Variants in GPC3 observed in about 807,000 individuals in gnomAD.
The protein encoded by GPC3 is glypican 3.
A neutral mutation model predicts 34.4 loss-of-function variants in GPC3; 3 were observed. The ratio of observed to expected loss-of-function variants is 0.09; its 90% CI spans 0.04 to 0.23. GPC3 has a LOEUF of 0.23. Among genes scored for constraint, GPC3 ranks in the 10% least tolerant of loss-of-function variants. The probability of loss-of-function intolerance (pLI) is 1.00; values close to 1 mark genes in which losing one functional copy is unlikely to be tolerated. For synonymous variants in GPC3, 177 were observed against 174.0 expected (o/e 1.02, Z -0.13); for missense variants, 351 against 445.6 (o/e 0.79, Z 1.91).
intron 2 of GPC3, among the ~76,000 whole-genome samples, chrX:133,913,733 A>G (rs1040518775): frequency 9.0e-6 from 1 of 111,509 alleles, no homozygotes; most frequent in African/African-American, 3.3e-5. Flanking sequence ...CATGGCTTCA[A>G]GATAAAGCCA....
intron 2 of GPC3, among the ~76,000 whole-genome samples, chrX:133,841,992 G>A (rs1253788072): frequency 8.9e-6 from 1 of 112,357 alleles, no homozygotes; most frequent in Non-Finnish European, 1.9e-5. Flanking sequence ...ACAGCCTATT[G>A]TGGGACCTTG....
intron 3 of GPC3, among the ~76,000 whole-genome samples, chrX:133,733,923 T>C (rs2124465328): frequency 8.9e-6 from 1 of 111,916 alleles, no homozygotes; most frequent in African/African-American, 3.2e-5. Flanking sequence ...AAAAAAAGCA[T>C]AGGATCAGAT....
chrX:133,692,651 T>G (rs1177231952), intron 4 of GPC3, among the ~76,000 whole-genome samples, 157 bp from the exon 5 acceptor site: 1 of 112,020 alleles, frequency 8.9e-6, no homozygotes, highest in East Asian at 2.8e-4. Flanking sequence ...CACAGTTTAG[T>G]TTTTTTTTAA....
At chrX:133,698,713 C>T (rs1396484338) in intron 4 of GPC3, among the ~76,000 whole-genome samples, 3 of 111,650 alleles carry the variant, frequency 2.7e-5, no homozygotes, top group Non-Finnish European at 5.6e-5. Context: ...AAATGCTGTG[C>T]AGAACATACT....
intron 6 of GPC3, among the ~76,000 whole-genome samples, chrX:133,600,967 G>A (rs2069974556): frequency 8.9e-6 from 1 of 111,784 alleles, no homozygotes; most frequent in African/African-American, 3.2e-5. Context: ...CAATGTAAAC[G>A]ATCATATTAA....
At chrX:133,643,866 C>T (rs1461802620) in intron 6 of GPC3, among the ~76,000 whole-genome samples, 5 of 94,850 alleles carry the variant, frequency 5.3e-5, no homozygotes, top group African/African-American at 9.3e-5. Context: ...TTTGCTCTTT[C>T]GCCCAGGCTG....
chrX:133,560,623 C>T lies in GPC3; in HGVS notation c.1574-24330G>A, dbSNP rs762861556. Among the ~76,000 whole-genome samples the T allele has an allele frequency of 1.6e-3, 182 of 110,736 alleles. 1 individual carries two copies. Among genetic ancestry groups the T allele is most frequent in the African/African-American group, 5.7e-3 (173 of 30,469 alleles). On this transcript the variant is annotated intron_variant, in intron 7 of 7. Transcript: ENST00000370818. ...GCGTGATGGCCCATGCCTGTAGTCC[C>T]ATCTACTTGGGAGGCTGAGGCAGGA...
Position 133,953,121 on chromosome X carries a change from A to G in GPC3, c.266T>C (p.Met89Thr). The change falls in exon 2 of 8, where the codon ATG (methionine) becomes ACG (threonine). Residue 89 changes from methionine to threonine, a missense_variant. Coordinates refer to ENST00000370818, the MANE Select transcript of GPC3 (RefSeq NM_004484.4). ...EKYQLTARLN[M>T]EQLLQSASME... is the part of the protein sequence containing the mutation. ...ACTTGCAGACTGAAGCAGCTGTTCC[A>G]TGTTCAATCGTGCTGTTAGTTGGTA... The G allele has an allele frequency of 8.3e-7, 1 of 1,206,298 alleles. No individual in the cohort carries two copies. Among genetic ancestry groups the G allele is most frequent in the Non-Finnish European group, 1.1e-6 (1 of 890,570 alleles).
chrX:133,787,671 G>T (rs2072116546), intron 2 of GPC3, among the ~76,000 whole-genome samples: 2 of 111,619 alleles, frequency 1.8e-5, no homozygotes, highest in Admixed American at 1.9e-4. Context: ...GCTCTGTTCT[G>T]TTCTATTCTA....
intron 3 of GPC3, among the ~76,000 whole-genome samples, chrX:133,748,691 T>C (rs765139075): frequency 9.8e-5 from 11 of 112,036 alleles, no homozygotes; most frequent in Non-Finnish European, 1.9e-4. Flanking sequence ...AAAACTCATT[T>C]TTCATTTGGC....
At chrX:133,540,718 T>C (rs1486294337) in intron 7 of GPC3, among the ~76,000 whole-genome samples, 1 of 111,291 alleles carries the variant, frequency 9.0e-6, no homozygotes, top group African/African-American at 3.3e-5. Flanking sequence ...TAAAAAATAA[T>C]AAAATTAAGA....
At chrX:133,802,346 T>C (rs867104069) in intron 2 of GPC3, among the ~76,000 whole-genome samples, 1 of 109,408 alleles carries the variant, frequency 9.1e-6, no homozygotes, top group African/African-American at 3.4e-5. Context: ...GACATTATAT[T>C]AACAACAACA....
At chrX:133,815,836 G>A (rs1276991243) in intron 2 of GPC3, among the ~76,000 whole-genome samples, 1 of 111,591 alleles carries the variant, frequency 9.0e-6, no homozygotes, top group Non-Finnish European at 1.9e-5. Context: ...GGGAGAATTA[G>A]CTTCTGAGAG....
chrX:133,691,414 A>G (rs1457228882), intron 5 of GPC3, among the ~76,000 whole-genome samples: 1 of 109,381 alleles, frequency 9.1e-6, no homozygotes, highest in Non-Finnish European at 1.9e-5. Flanking sequence ...TGGGAGAATC[A>G]CTTGATCCTG....
At chrX:133,609,319 C>T (rs932023116) in intron 6 of GPC3, among the ~76,000 whole-genome samples, 1 of 112,373 alleles carries the variant, frequency 8.9e-6, no homozygotes, top group Non-Finnish European at 1.9e-5. Flanking sequence ...AAGTTATATT[C>T]TGCAGCTACC....
intron 3 of GPC3, among the ~76,000 whole-genome samples, chrX:133,734,091 CA>C (rs780973462): frequency 4.5e-5 from 5 of 111,757 alleles, no homozygotes; most frequent in Non-Finnish European, 9.4e-5. Context: ...ACAAAAATCA[CA>C]AGCAAACTAT....
chrX:133,613,251 A>G (rs1022172662), intron 6 of GPC3, among the ~76,000 whole-genome samples: 2 of 112,242 alleles, frequency 1.8e-5, no homozygotes, highest in Non-Finnish European at 3.8e-5. Context: ...TTGCTCTTCT[A>G]TGTAATTTGC....
chrX:133,950,993 T>C (rs772011254), intron 2 of GPC3, among the ~76,000 whole-genome samples: 1 of 110,015 alleles, frequency 9.1e-6, no homozygotes, highest in South Asian at 4.0e-4. Flanking sequence ...AATTTCATTG[T>C]CTCCATGTTC....
At chrX:133,691,985 G>T (rs1181780629) in intron 5 of GPC3, among the ~76,000 whole-genome samples, 3 of 112,625 alleles carry the variant, frequency 2.7e-5, no homozygotes, top group African/African-American at 9.7e-5. Context: ...GTCTTGCTCT[G>T]TCACCCAGGC....
Sources: allele counts gnomAD v4.1 joint callset (sites outside exome capture counted in the v4.1 genomes callset), GRCh38; gene constraint gnomAD v4.1.1; transcripts MANE v1.5; gene names NCBI Gene and HGNC (gene_info 2026-07-23, HGNC 2026-07-21).